ACOXL: variants seen among roughly 807,000 people sequenced by gnomAD.
ACOXL encodes acyl-CoA oxidase like.
In ACOXL, 70 loss-of-function variants were observed where a neutral mutation model predicts 71.9. The observed-to-expected ratio is 0.97, with a 90% CI of 0.80 to 1.19. The LOEUF (loss-of-function observed/expected upper bound fraction) is 1.19. Among genes scored for constraint, ACOXL ranks in the 50% most tolerant of loss-of-function variants. The pLI, the probability that ACOXL is intolerant of heterozygous loss-of-function variation, is 0.00. For synonymous variants in ACOXL, 253 were observed against 281.6 expected (o/e 0.90, Z 1.02); for missense variants, 703 against 736.3 (o/e 0.95, Z 0.52).
At chr2:110,899,106 C>T (rs2059129650) in intron 10 of ACOXL, among the ~76,000 whole-genome samples, 1 of 151,976 alleles carries the variant, frequency 6.6e-6, no homozygotes, top group Non-Finnish European at 1.5e-5. Context: ...AGAGACATAC[C>T]ATGTTTATGG....
At chr2:111,044,425 C>T (rs953899987) in intron 15 of ACOXL, among the ~76,000 whole-genome samples, 1 of 152,238 alleles carries the variant, frequency 6.6e-6, no homozygotes, top group Non-Finnish European at 1.5e-5. Context: ...TACCCATAGC[C>T]CCATGGGCAG....
Position 111,090,294 on chromosome 2 carries a change from C to T in ACOXL, c.1441-2571C>T, listed in dbSNP as rs118048400. Among the ~76,000 whole-genome samples the T allele has an allele frequency of 1.5e-4, 23 of 152,232 alleles. No individual in the cohort carries two copies. The East Asian group carries it at 4.2e-3, about 28-fold the overall frequency. ...AGTGGCTCCAGACACAATGACTCTT[C>T]CAACAGTGAGATTCATTAGGAAATT... is the stretch of plus-strand genomic sequence containing the variant. On this transcript the variant is annotated intron_variant, in intron 16 of 17. Transcript: ENST00000439055.
At chr2:110,831,924 T>C (rs1051323813) in intron 9 of ACOXL, among the ~76,000 whole-genome samples, 4 of 151,860 alleles carry the variant, frequency 2.6e-5, no homozygotes, top group Non-Finnish European at 1.5e-5. Flanking sequence ...TAAAAATGAC[T>C]CAAAAGGGGT....
chr2:110,847,152 CA>C lies in ACOXL; in HGVS notation c.788+5748del, dbSNP rs376759020. 5.9e-5 allele frequency among the ~76,000 whole-genome samples: 9 copies of C among 152,096 alleles called. No homozygotes were observed. In the East Asian group the frequency reaches 1.8e-3, roughly 30 times the overall value. On this transcript the variant is annotated intron_variant, in intron 10 of 17. Transcript: ENST00000439055. ...AGCTCTCGGGGCCCCATCACCCACACAGTGGGGAACAATTTCCCCACTGTGT... is the reference window on the plus strand; with the variant it reads ...AGCTCTCGGGGCCCCATCACCCACACGTGGGGAACAATTTCCCCACTGTGT...
rs757241507 is a variant in ACOXL, at chr2:110,908,847, C to T, written c.847C>T (p.Gln283Ter). The T allele has an allele frequency of 1.5e-5, 24 of 1,614,166 alleles. No individual in the cohort carries two copies. The East Asian group carries it at 1.6e-4, about 10-fold the overall frequency. The change falls in exon 11 of 18, where the codon CAG becomes TAG. Residue 283 changes from glutamine (Q) to a stop codon, truncating the protein, a stop_gained. Transcript: ENST00000439055. LOFTEE classifies it high-confidence loss of function. ...EEVKIIEHQT[Q>*]TLRLMPHLAT... ...GGTGAAGATCATTGAGCACCAAACA[C>T]AGACCCTGCGGCTGATGCCCCACCT...
At chr2:110,741,512 AGT>A (rs1342843548) in intron 1 of ACOXL, among the ~76,000 whole-genome samples, 1 of 152,194 alleles carries the variant, frequency 6.6e-6, no homozygotes, top group Non-Finnish European at 1.5e-5. Flanking sequence ...ACACACAGTG[AGT>A]GTGACAGAGT....
intron 1 of ACOXL, among the ~76,000 whole-genome samples, chr2:110,766,712 T>TA (rs1250827994): frequency 1.3e-5 from 2 of 152,132 alleles, no homozygotes; most frequent in Non-Finnish European, 2.9e-5. Context: ...GTCCTGCTGA[T>TA]GGGGTGTTGG....
chr2:111,016,704 A>AGGCC (rs2064457367), intron 14 of ACOXL: 1 of 153,168 alleles, frequency 6.5e-6, no homozygotes, highest in Non-Finnish European at 1.5e-5. Context: ...GTGGGTGCCC[A>AGGCC]GGCCAGCCAG....
At chr2:111,014,246 A>C (rs1054287217) in intron 14 of ACOXL, among the ~76,000 whole-genome samples, 5 of 152,244 alleles carry the variant, frequency 3.3e-5, no homozygotes, top group African/African-American at 1.2e-4. Context: ...GACAGGAAAA[A>C]AGAAATAGAA....
intron 2 of ACOXL, among the ~76,000 whole-genome samples, chr2:110,775,490 A>T (rs746515669): frequency 6.6e-6 from 1 of 152,172 alleles, no homozygotes; most frequent in Admixed American, 6.5e-5. Flanking sequence ...TGCATGTTAT[A>T]TGTCTGATAA....
Position 110,799,012 on chromosome 2 carries a change from AG to A in ACOXL, c.462del, listed in dbSNP as rs1685618372. 5 of 1,613,748 alleles carry A rather than the reference AG, an allele frequency of 3.1e-6. No individual in the cohort carries two copies. The highest frequency in any genetic ancestry group is 4.2e-6 in the Non-Finnish European group (5 of 1,179,852). On this transcript the variant is annotated splice_acceptor_variant, in intron 6 of 17. Coordinates refer to ENST00000439055, the MANE Select transcript of ACOXL (RefSeq NM_001142807.4). LOFTEE classifies it high-confidence loss of function. The stretch of plus-strand genomic sequence containing the variant: ...TAATAATGATCTCGATGCCTTCCTT[AG>A]GGCCCCACTGTTTCATCGTTCCTGT...
At chr2:110,828,803 G>C (rs936335017) in intron 9 of ACOXL, among the ~76,000 whole-genome samples, 7 of 151,892 alleles carry the variant, frequency 4.6e-5, no homozygotes, top group Admixed American at 3.3e-4. Flanking sequence ...TCACCCACTT[G>C]TACTATCTTG....
intron 9 of ACOXL, among the ~76,000 whole-genome samples, chr2:110,822,232 C>A (rs1473141864): frequency 6.6e-6 from 1 of 152,064 alleles, no homozygotes; most frequent in African/African-American, 2.4e-5. Flanking sequence ...TATAACATAT[C>A]TATAATATAT....
intron 13 of ACOXL, among the ~76,000 whole-genome samples, chr2:110,991,057 G>C (rs1351761393): frequency 1.3e-5 from 2 of 151,688 alleles, no homozygotes; most frequent in Non-Finnish European, 2.9e-5. Flanking sequence ...CATCAAATTT[G>C]AAAATAATCC....
At chr2:111,009,369 C>T (rs2064028645) in intron 14 of ACOXL, among the ~76,000 whole-genome samples, 1 of 151,896 alleles carries the variant, frequency 6.6e-6, no homozygotes, top group Non-Finnish European at 1.5e-5. Flanking sequence ...CAAAAATTAG[C>T]CTGGCTTGGT....
At position 110,767,482 on chromosome 2, in the gene ACOXL, G is replaced by A. The variant is rs1041181797; in HGVS notation, c.-22-886G>A. On this transcript the variant is annotated intron_variant, in intron 1 of 17. Coordinates refer to ENST00000439055, the MANE Select transcript of ACOXL (RefSeq NM_001142807.4). ...GTCTGCAGGCAAGTGGGCTCCCAGAGCAGGTCACCTCTTGGGCAGGCATGG... is the reference window on the plus strand; with the variant it reads ...GTCTGCAGGCAAGTGGGCTCCCAGAACAGGTCACCTCTTGGGCAGGCATGG... Among the ~76,000 whole-genome samples the A allele has an allele frequency of 7.2e-5, 11 of 152,228 alleles. No homozygotes were observed. In the East Asian group the frequency reaches 2.1e-3, roughly 29 times the overall value.
chr2:110,864,436 C>T (rs1158459068), intron 10 of ACOXL, among the ~76,000 whole-genome samples: 2 of 152,186 alleles, frequency 1.3e-5, no homozygotes, highest in Non-Finnish European at 2.9e-5. Context: ...TGTTTCTCTA[C>T]AACCAGAAAC....
At chr2:110,940,354 G>C (rs183422890) in intron 12 of ACOXL, among the ~76,000 whole-genome samples, 130 of 152,254 alleles carry the variant, frequency 8.5e-4, no homozygotes, top group Admixed American at 7.8e-3. Context: ...GGAGTTTCCG[G>C]GGAATAGATT....
chr2:110,838,795 C>T (rs543242417), intron 9 of ACOXL, among the ~76,000 whole-genome samples: 1 of 152,236 alleles, frequency 6.6e-6, no homozygotes, highest in Non-Finnish European at 1.5e-5. Context: ...GTGAAATACC[C>T]TGTTCCCATC....
Sources: allele counts gnomAD v4.1 joint callset (sites outside exome capture counted in the v4.1 genomes callset), GRCh38; gene constraint gnomAD v4.1.1; transcripts MANE v1.5; gene names NCBI Gene and HGNC (gene_info 2026-07-23, HGNC 2026-07-21).